The following CNTN5 variants were observed in gnomAD, a reference collection of about 807,000 sequenced individuals.
The protein encoded by CNTN5 is contactin-5.
CNTN5 carries 77 observed loss-of-function variants against 129.1 expected under a neutral mutation model. That is an observed-to-expected ratio of 0.60 (90% CI 0.50 to 0.72). CNTN5 has a LOEUF of 0.72. CNTN5 is among the 30% of genes least tolerant of loss of function. The pLI is 0.00. For synonymous variants in CNTN5, 509 were observed against 465.6 expected (o/e 1.09, Z -1.20); for missense variants, 1,478 against 1,328.8 (o/e 1.11, Z -1.75).
At chr11:99,611,005 C>A (rs74455035) in intron 3 of CNTN5, among the ~76,000 whole-genome samples, 2 of 152,076 alleles carry the variant, frequency 1.3e-5, no homozygotes, top group Admixed American at 1.3e-4. Context: ...TGTAGTTGAG[C>A]CTTCATGGTA....
intron 3 of CNTN5, among the ~76,000 whole-genome samples, chr11:99,595,448 A>G (rs961599791): frequency 6.6e-6 from 1 of 152,158 alleles, no homozygotes; most frequent in Non-Finnish European, 1.5e-5. Flanking sequence ...AGATAAGTGG[A>G]CTTAATATGA....
intron 2 of CNTN5, among the ~76,000 whole-genome samples, chr11:99,409,050 A>T (rs1290745758): frequency 2.0e-5 from 3 of 152,230 alleles, no homozygotes; most frequent in Admixed American, 6.5e-5. Context: ...ATAGTAGTGA[A>T]TTAGTTTGTT....
intron 3 of CNTN5, among the ~76,000 whole-genome samples, chr11:99,673,681 G>A (rs1235129463): frequency 1.8e-4 from 28 of 151,710 alleles, no homozygotes; most frequent in Admixed American, 1.8e-3. Flanking sequence ...CCACTTATAA[G>A]TGAGAACATG....
chr11:99,322,364 T>A (rs2135999972), intron 1 of CNTN5, among the ~76,000 whole-genome samples: 1 of 152,236 alleles, frequency 6.6e-6, no homozygotes, highest in Admixed American at 6.5e-5. Context: ...TTTAATAAGG[T>A]AATTTGTAGC....
At chr11:99,040,169 A>G (rs1863931364) in intron 1 of CNTN5, among the ~76,000 whole-genome samples, 1 of 152,146 alleles carries the variant, frequency 6.6e-6, no homozygotes, top group Non-Finnish European at 1.5e-5. Flanking sequence ...GTGGAAAAAC[A>G]TGATAATCTA....
chr11:99,351,122 C>G (rs1188122793), intron 2 of CNTN5, among the ~76,000 whole-genome samples: 3 of 151,832 alleles, frequency 2.0e-5, no homozygotes, highest in Non-Finnish European at 4.4e-5. Context: ...ACCTAGGTAA[C>G]AAAACTGCAT....
chr11:99,505,893 T>C (rs1312179557), intron 2 of CNTN5, among the ~76,000 whole-genome samples: 1 of 152,226 alleles, frequency 6.6e-6, no homozygotes, highest in Admixed American at 6.5e-5. Context: ...CATAAATGAA[T>C]GACACTCTTC....
chr11:99,038,968 A>G (rs952269343), intron 1 of CNTN5, among the ~76,000 whole-genome samples: 6 of 152,124 alleles, frequency 3.9e-5, no homozygotes, highest in Admixed American at 2.6e-4. Context: ...TGATTATATA[A>G]TGCTTTTTCA....
At chr11:100,317,679 G>T (rs916248072) in intron 21 of CNTN5, among the ~76,000 whole-genome samples, 3 of 152,082 alleles carry the variant, frequency 2.0e-5, no homozygotes, top group African/African-American at 7.2e-5. Flanking sequence ...TATTTCAATT[G>T]TTTAACCTGT....
chr11:100,183,098 A>C (rs1948188155), intron 13 of CNTN5, among the ~76,000 whole-genome samples: 1 of 152,146 alleles, frequency 6.6e-6, no homozygotes, highest in South Asian at 2.1e-4. Context: ...GCTAAAATAA[A>C]ATAGACTGAC....
chr11:100,246,138 G>A (rs1012913542), intron 16 of CNTN5, among the ~76,000 whole-genome samples: 1 of 152,030 alleles, frequency 6.6e-6, no homozygotes, highest in Non-Finnish European at 1.5e-5. Context: ...TAAAAAAAGG[G>A]AGCAGTTTGA....
intron 3 of CNTN5, among the ~76,000 whole-genome samples, chr11:99,715,303 A>G (rs1376085150): frequency 6.6e-6 from 1 of 151,912 alleles, no homozygotes; most frequent in Non-Finnish European, 1.5e-5. Context: ...TCTGAGTAAC[A>G]GCAGCAGAAC....
intron 1 of CNTN5, among the ~76,000 whole-genome samples, chr11:99,249,409 C>G (rs1439961761): frequency 1.3e-5 from 2 of 151,892 alleles, no homozygotes; most frequent in Non-Finnish European, 2.9e-5. Context: ...TGTGGCAAGG[C>G]CTTGATGACA....
chr11:100,012,014 T>C (rs1013587694), intron 9 of CNTN5, among the ~76,000 whole-genome samples: 10 of 152,116 alleles, frequency 6.6e-5, no homozygotes, highest in African/African-American at 2.4e-4. Flanking sequence ...GCTGTAGGAA[T>C]TAAAAATGAA....
intron 3 of CNTN5, among the ~76,000 whole-genome samples, chr11:99,615,559 T>C (rs1950734373): frequency 1.3e-5 from 2 of 152,266 alleles, no homozygotes; most frequent in South Asian, 4.1e-4. Context: ...GATTTACTTT[T>C]CTTTTGGGGC....
chr11:99,405,153 T>C (rs531387272), intron 2 of CNTN5, among the ~76,000 whole-genome samples: 11 of 152,172 alleles, frequency 7.2e-5, no homozygotes, highest in Non-Finnish European at 1.6e-4. Flanking sequence ...GGATCATTTC[T>C]TTATTCTTGA....
At chr11:100,167,025 A>T (rs548231977) in intron 13 of CNTN5, among the ~76,000 whole-genome samples, 1 of 151,854 alleles carries the variant, frequency 6.6e-6, no homozygotes, top group African/African-American at 2.4e-5. Context: ...CTTATTTCCT[A>T]GTTTTTATCC....
At chr11:99,395,248 T>A (rs1173708953) in intron 2 of CNTN5, among the ~76,000 whole-genome samples, 3 of 152,004 alleles carry the variant, frequency 2.0e-5, no homozygotes, top group Admixed American at 1.3e-4. Flanking sequence ...TGGTGTGAGA[T>A]GGTATCTCAT....
chr11:99,824,064 C>T (rs1326640745), intron 4 of CNTN5, among the ~76,000 whole-genome samples: 1 of 151,896 alleles, frequency 6.6e-6, no homozygotes, highest in African/African-American at 2.4e-5. Context: ...TTATTCATTC[C>T]CTTTTTGTAA....
Sources: allele counts gnomAD v4.1 joint callset (sites outside exome capture counted in the v4.1 genomes callset), GRCh38; gene constraint gnomAD v4.1.1; transcripts MANE v1.5; gene names NCBI Gene and HGNC (gene_info 2026-07-23, HGNC 2026-07-21).